Variants in SLC66A2 observed in about 807,000 individuals in gnomAD.
The protein encoded by SLC66A2 is PQ loop repeat containing 1.
A neutral mutation model predicts 25.5 loss-of-function variants in SLC66A2; 23 were observed. The ratio of observed to expected loss-of-function variants is 0.90; its 90% CI spans 0.65 to 1.28. The LOEUF is 1.28. Ranked by LOEUF, SLC66A2 falls within the 50% of genes most tolerant of loss-of-function variation. SLC66A2 has a pLI of 0.00. For synonymous variants in SLC66A2, 193 were observed against 166.5 expected, an observed-to-expected ratio of 1.16 and a Z score of -1.23; for missense variants, 396 against 373.1, an observed-to-expected ratio of 1.06 and a Z score of -0.51.
intron 5 of SLC66A2, among the ~76,000 whole-genome samples, chr18:79,907,570 C>T (rs1982320938): frequency 6.6e-6 from 1 of 152,080 alleles, no homozygotes; most frequent in South Asian, 2.1e-4. Context: ...AGGCTGGTCT[C>T]AAACTCCTGA....
intron 2 of SLC66A2, among the ~76,000 whole-genome samples, chr18:79,950,030 A>G (rs1278454798): frequency 6.6e-6 from 1 of 152,088 alleles, no homozygotes; most frequent in Non-Finnish European, 1.5e-5. Context: ...GACAGTCTCC[A>G]GAGAGAGTGA....
chr18:79,930,227 C>T (rs1986425816), intron 4 of SLC66A2: 2 of 151,994 alleles, frequency 1.3e-5, no homozygotes, highest in Admixed American at 6.6e-5. Context: ...TTATCACTTA[C>T]AAGGAAACCC....
chr18:79,943,299 C>G (rs8095510), intron 3 of SLC66A2, 30 bp downstream of exon 3: 47,096 of 1,610,004 alleles, frequency 0.029, 1,266 homozygotes, highest in African/African-American at 0.13. Context: ...TGATTCCCTG[C>G]GACTTTATTC....
rs1034387909 is a variant in SLC66A2 at position 79,917,187 on chromosome 18, C to T, written c.608+1997G>A. On this transcript the variant is annotated intron_variant, in intron 5 of 5. Transcript: ENST00000397778. This position sits in a 1 kb window ranked among gnomAD's most constrained non-coding sequence, Gnocchi z 6.0. ...AAGACAGGCCTGCCTGCAGGGCCGC[C>T]TCGGCCAGCATCTGGAAACTCGGGT... Among the ~76,000 whole-genome samples the T allele has an allele frequency of 3.3e-5, 5 of 152,276 alleles. No homozygotes were observed. Among genetic ancestry groups the T allele is most frequent in the African/African-American group, 1.2e-4 (5 of 41,478 alleles).
rs1333483446 is a variant in SLC66A2 at position 79,912,008 on chromosome 18, GGA to G, written c.608+7174_608+7175del. Among the ~76,000 whole-genome samples the G allele has an allele frequency of 4.8e-4, 67 of 139,178 alleles. 1 individual carries two copies. The highest frequency in any genetic ancestry group is 1.8e-3 in the African/African-American group (67 of 37,102). 91.3% of individuals were successfully genotyped at this position (139,178 alleles called of 152,430 possible). ...GACGGGAGCAGAGGGGAGGCAGCAG[GGA>G]GAGGACAGCAGCAGGAAGGGGACAG... On this transcript the variant is annotated intron_variant, in intron 5 of 5. Coordinates refer to ENST00000397778, the MANE Select transcript of SLC66A2 (RefSeq NM_025078.5).
chr18:79,926,764 T>A (rs1426840283), intron 4 of SLC66A2, among the ~76,000 whole-genome samples: 2 of 152,086 alleles, frequency 1.3e-5, no homozygotes, highest in East Asian at 1.9e-4. Context: ...AACAGCTTCT[T>A]TGCTACTTAA....
Position 79,940,592 on chromosome 18 carries a change from G to A in SLC66A2, c.337+2737C>T, listed in dbSNP as rs898609363. ...TGGCCACCTTGCTTGGCATGGGGCT[G>A]TGCTGCAGGAGCTACCGATCGGGCG... On this transcript the variant is annotated intron_variant, in intron 3 of 5. Coordinates refer to ENST00000397778, the MANE Select transcript of SLC66A2 (RefSeq NM_025078.5). This position sits in a 1 kb window ranked among gnomAD's most constrained non-coding sequence, Gnocchi z 4.1. 6.6e-6 allele frequency among the ~76,000 whole-genome samples: 1 copy of A among 152,148 alleles called. No homozygotes were observed. Among genetic ancestry groups the A allele is most frequent in the Non-Finnish European group, 1.5e-5 (1 of 68,020 alleles).
intron 3 of SLC66A2, among the ~76,000 whole-genome samples, chr18:79,935,711 G>A (rs991722373): frequency 6.6e-6 from 1 of 152,190 alleles, no homozygotes; most frequent in African/African-American, 2.4e-5. Flanking sequence ...GGTCTCATGA[G>A]GAGGCCTTGG....
chr18:79,946,376 C>T (rs1477724554), intron 2 of SLC66A2, among the ~76,000 whole-genome samples: 2 of 152,256 alleles, frequency 1.3e-5, no homozygotes, highest in South Asian at 4.1e-4. Context: ...TACTTCTCAA[C>T]TTAACTTTTT....
chr18:79,922,789 G>T (rs1305215052), intron 4 of SLC66A2, among the ~76,000 whole-genome samples: 2 of 148,034 alleles, frequency 1.4e-5, no homozygotes, highest in Admixed American at 6.7e-5. Context: ...AGGCGGTGAG[G>T]TCGAGGGGGT....
In SLC66A2 at chr18:79,943,060, T is replaced by G. The variant is rs552907950; in HGVS notation, c.337+269A>C. 3.9e-5 allele frequency among the ~76,000 whole-genome samples: 6 copies of G among 152,350 alleles called. No individual in the cohort carries two copies. The South Asian group carries it at 1.2e-3, about 32-fold the overall frequency. ...GTTCTGACACAGAAAGCGTCTGGGATGGCGCTCACAGCCAAGAGGAACCGT... is the reference window on the plus strand; with the variant it reads ...GTTCTGACACAGAAAGCGTCTGGGAGGGCGCTCACAGCCAAGAGGAACCGT... On this transcript the variant is annotated intron_variant, in intron 3 of 5. Transcript: ENST00000397778.
chr18:79,945,976 G>A (rs574594167), intron 2 of SLC66A2, among the ~76,000 whole-genome samples: 2 of 152,288 alleles, frequency 1.3e-5, no homozygotes, highest in Admixed American at 6.5e-5. Flanking sequence ...TTCACACCAC[G>A]TTCACCTCCA....
Position 79,921,858 on chromosome 18 carries a change from G to A in SLC66A2, c.392-2458C>T, listed in dbSNP as rs28421092. Among the ~76,000 whole-genome samples the A allele has an allele frequency of 1.4e-3, 45 of 32,168 alleles. 12 individuals carry two copies. Among genetic ancestry groups the A allele is most frequent in the South Asian group, 4.6e-3 (2 of 432 alleles). 21.1% of individuals were successfully genotyped at this position (32,168 alleles called of 152,430 possible). Reference sequence around the variant, plus strand: ...GAGGAGAGACAGGAACCGAGGGAGAGGTCAAGGTCAGTGAGGAGAGACGGG... The same window carrying A: ...GAGGAGAGACAGGAACCGAGGGAGAAGTCAAGGTCAGTGAGGAGAGACGGG... On this transcript the variant is annotated intron_variant, in intron 4 of 5. Coordinates refer to ENST00000397778, the MANE Select transcript of SLC66A2 (RefSeq NM_025078.5).
intron 5 of SLC66A2, among the ~76,000 whole-genome samples, chr18:79,907,430 C>T (rs1309774610): frequency 7.1e-6 from 1 of 141,192 alleles, no homozygotes; most frequent in Non-Finnish European, 1.5e-5. Context: ...CAGCTCACTG[C>T]AAGCTCCGCC....
Position 79,904,089 on chromosome 18 carries a change from G to T in SLC66A2, c.703C>A (p.Leu235Met). The change falls in exon 6 of 6, where the codon CTG becomes ATG. Residue 235 changes from leucine (L) to methionine (M), a missense_variant. By Grantham distance (15) the Leu-to-Met change is conservative. Transcript: ENST00000397778. This position sits in a 1 kb window ranked among gnomAD's most constrained non-coding sequence, Gnocchi z 6.3. Reference sequence around the variant, plus strand: ...GCCAGGTCCACCAGCACCTGCAGCAGGCCGCACACGGAGAACTGCAGAGGG... The same window carrying T: ...GCCAGGTCCACCAGCACCTGCAGCATGCCGCACACGGAGAACTGCAGAGGG... ...GAPLQFSVCG[L>M]LQVLVDLAIL... 2 of 1,612,764 alleles carry T rather than the reference G, an allele frequency of 1.2e-6. No homozygotes were observed. Among genetic ancestry groups the T allele is most frequent in the Non-Finnish European group, 1.7e-6 (2 of 1,179,730 alleles).
intron 3 of SLC66A2, among the ~76,000 whole-genome samples, chr18:79,935,830 A>G (rs1676104122): frequency 6.6e-6 from 1 of 152,104 alleles, no homozygotes; most frequent in Admixed American, 6.5e-5. Flanking sequence ...AAGCAAGAGA[A>G]TGAGCTTCAA....
At chr18:79,946,843 G>A (rs1182389486) in intron 2 of SLC66A2, among the ~76,000 whole-genome samples, 5 of 152,188 alleles carry the variant, frequency 3.3e-5, no homozygotes, top group Admixed American at 6.5e-5. Context: ...GTGGGCGCCT[G>A]TAATCCCAGC....
At chr18:79,925,150 G>A (rs1027659168) in intron 4 of SLC66A2, 1 of 152,158 alleles carries the variant, frequency 6.6e-6, no homozygotes, top group African/African-American at 2.4e-5. Flanking sequence ...TAAGAGAGAG[G>A]CGCCTGGCAG....
rs1485435758 is a variant in SLC66A2 at position 79,937,328 on chromosome 18, C to G, written c.338-3306G>C. Among the ~76,000 whole-genome samples the G allele has an allele frequency of 6.6e-6, 1 of 152,186 alleles. No individual in the cohort carries two copies. Among genetic ancestry groups the G allele is most frequent in the Non-Finnish European group, 1.5e-5 (1 of 68,026 alleles). Reference sequence around the variant, plus strand: ...CCCCTCATGCTGGGTCGAAAGGGCCCAGCAGCATCTGACGCGGCTCCCCGG... The same window carrying G: ...CCCCTCATGCTGGGTCGAAAGGGCCGAGCAGCATCTGACGCGGCTCCCCGG... On this transcript the variant is annotated intron_variant, in intron 3 of 5. Coordinates refer to ENST00000397778, the MANE Select transcript of SLC66A2 (RefSeq NM_025078.5). The surrounding 1 kb of genome is among the most constrained non-coding windows in gnomAD (Gnocchi z 5.4).
Sources: gnomAD v4.1 joint callset for allele counts (sites outside exome capture counted in the v4.1 genomes callset) on GRCh38, gnomAD v4.1.1 for gene constraint, Gnocchi (gnomAD v3.1) non-coding constraint, MANE v1.5 for transcripts, NCBI Gene and HGNC (gene_info 2026-07-23, HGNC 2026-07-21) for gene names.